The following PTPN3 variants were observed in gnomAD, a reference collection of about 807,000 sequenced individuals.
PTPN3 encodes tyrosine-protein phosphatase non-receptor type 3.
In PTPN3, 96 loss-of-function variants were observed where a neutral mutation model predicts 132.7. That is an observed-to-expected ratio of 0.72 (90% confidence interval 0.61 to 0.86). The LOEUF is 0.86. Among genes scored for constraint, PTPN3 ranks in the 40% least tolerant of loss-of-function variants. The pLI is 0.00. For missense variants in PTPN3, 1,125 were observed against 1,159.6 expected, an observed-to-expected ratio of 0.97 and a Z score of 0.43; for synonymous variants, 398 against 429.0, an observed-to-expected ratio of 0.93 and a Z score of 0.89.
chr9:109,417,896 A>G, intron 14 of PTPN3: 1 of 619,044 alleles, frequency 1.6e-6, no homozygotes. Flanking sequence ...GGTCTCAAGG[A>G]GGGGTTTCAA....
At chr9:109,497,720 T>C (rs999294929) in intron 1 of PTPN3, among the ~76,000 whole-genome samples, 1 of 152,120 alleles carries the variant, frequency 6.6e-6, no homozygotes, top group Admixed American at 6.5e-5. Context: ...CTCTGGAGTT[T>C]CGTGCCAGGC....
intron 1 of PTPN3, among the ~76,000 whole-genome samples, chr9:109,470,736 T>C (rs1846340121): frequency 6.6e-6 from 1 of 151,972 alleles, no homozygotes. Flanking sequence ...TGGGGATTTA[T>C]TTATCATTTA....
rs1564406551 is a variant in PTPN3, at chr9:109,410,231, T to C, written c.1498A>G (p.Lys500Glu). 3 of 1,613,872 alleles carry C rather than the reference T, an allele frequency of 1.9e-6. No individual in the cohort carries two copies. The highest frequency in any genetic ancestry group is 2.5e-6 in the Non-Finnish European group (3 of 1,179,812). The stretch of plus-strand genomic sequence containing the variant: ...CCCGGCTGCCTGCGCTCGCTCACCT[T>C]GTCACAGTAGTACTGGCTGGCGTCC... ...TEDASQYYCDKNDNGDSYLVL... is the reference protein window; with the variant it reads ...TEDASQYYCDENDNGDSYLVL... Residue 500 changes from lysine (K) to glutamate (E), a missense_variant and splice_region_variant, in exon 15 of 26, where the codon AAG (lysine) becomes GAG (glutamate). Physicochemically the swap from Lys to Glu is moderately conservative, Grantham distance 56 (BLOSUM62 1). Coordinates refer to ENST00000374541, the MANE Select transcript of PTPN3 (RefSeq NM_002829.4).
chr9:109,383,185 C>T (rs969711214), intron 23 of PTPN3: 55 of 596,922 alleles, frequency 9.2e-5, no homozygotes, highest in African/African-American at 6.5e-4. Context: ...GGACAGACCA[C>T]GTGCTGTTTA....
chr9:109,401,679 G>A (rs1427809326), intron 19 of PTPN3, among the ~76,000 whole-genome samples: 1 of 152,156 alleles, frequency 6.6e-6, no homozygotes, highest in Non-Finnish European at 1.5e-5. Context: ...AGTTCTCGCA[G>A]GGCTGAAGGA....
At chr9:109,500,219 C>T (rs1358266496), upstream of PTPN3, among the ~76,000 whole-genome samples, 5 of 152,250 alleles carry the variant, frequency 3.3e-5, no homozygotes, top group Non-Finnish European at 5.9e-5. Context: ...AATCAGCCGT[C>T]ATCCTCATGC....
chr9:109,408,314 T>C lies in PTPN3; in HGVS notation c.1635+7A>G. The stretch of plus-strand genomic sequence containing the variant: ...CACGAGGAATAACATGGAATGTATT[T>C]ACTTACAGGTGACTCTGGGTTTATC... On this transcript the variant is annotated splice_region_variant and intron_variant, in intron 17 of 25. Transcript: ENST00000374541. 1 of 1,552,526 alleles carries C rather than the reference T, an allele frequency of 6.4e-7. No individual in the cohort carries two copies. The highest frequency in any genetic ancestry group is 8.8e-7 in the Non-Finnish European group (1 of 1,139,884).
chr9:109,378,437 T>C lies in PTPN3; in HGVS notation c.*1119A>G, dbSNP rs538130643. On this transcript the variant is annotated 3_prime_UTR_variant, in exon 26 of 26. Coordinates refer to ENST00000374541, the MANE Select transcript of PTPN3 (RefSeq NM_002829.4). ...CTCCTTTGAAATGCAATGGAGACCA[T>C]TGTGACTGGGGGTGAATGCACACAT... 2.0e-5 allele frequency: 3 copies of C among 152,744 alleles called. No homozygotes were observed. Among genetic ancestry groups the C allele is most frequent in the South Asian group, 2.1e-4 (1 of 4,826 alleles). 9.5% of individuals were successfully genotyped at this position (152,744 alleles called of 1,614,324 possible). A position where few individuals can be genotyped will look rare whatever the true frequency, so the allele number is the denominator to read the frequency against.
At chr9:109,423,378 G>A (rs747891640) in intron 12 of PTPN3, among the ~76,000 whole-genome samples, 3 of 152,214 alleles carry the variant, frequency 2.0e-5, no homozygotes, top group Non-Finnish European at 4.4e-5. Flanking sequence ...GCTGAGGCGG[G>A]TGGATCACTT....
intron 1 of PTPN3, among the ~76,000 whole-genome samples, chr9:109,470,870 T>G (rs1846345676): frequency 6.6e-6 from 1 of 152,124 alleles, no homozygotes; most frequent in African/African-American, 2.4e-5. Context: ...ACAAGAATCA[T>G]CTGGGGACTT....
At chr9:109,385,613 C>T (rs1164786196) in intron 22 of PTPN3, among the ~76,000 whole-genome samples, 1 of 152,172 alleles carries the variant, frequency 6.6e-6, no homozygotes, top group African/African-American at 2.4e-5. Flanking sequence ...AACCCTTAGC[C>T]AGGCTGGTAA....
intron 16 of PTPN3, among the ~76,000 whole-genome samples, 192 bp downstream of exon 16, chr9:109,409,807 T>A (rs796559296): frequency 4.7e-4 from 70 of 149,830 alleles, no homozygotes; most frequent in African/African-American, 1.4e-3. Context: ...AGTGAGTTTT[T>A]AAAAAAAAAC....
chr9:109,452,800 A>C (rs1313335524), intron 5 of PTPN3, among the ~76,000 whole-genome samples: 1 of 151,928 alleles, frequency 6.6e-6, no homozygotes, highest in Non-Finnish European at 1.5e-5. Flanking sequence ...GCCTCAAGTG[A>C]CCCTCCCGCC....
intron 14 of PTPN3, among the ~76,000 whole-genome samples, chr9:109,420,163 A>C (rs960691764): frequency 6.6e-6 from 1 of 152,222 alleles, no homozygotes; most frequent in Non-Finnish European, 1.5e-5. Context: ...GACTAATTCA[A>C]GAGACTAACA....
intron 19 of PTPN3, among the ~76,000 whole-genome samples, chr9:109,394,130 G>A (rs2131651250): frequency 6.6e-6 from 1 of 152,290 alleles, no homozygotes; most frequent in South Asian, 2.1e-4. Flanking sequence ...CAGAAGGCGG[G>A]CACCTAAGTT....
chr9:109,453,043 G>C (rs73654244), intron 5 of PTPN3, among the ~76,000 whole-genome samples: 1 of 152,172 alleles, frequency 6.6e-6, no homozygotes, highest in Admixed American at 6.5e-5. Flanking sequence ...AAAACTCAGA[G>C]GACAGGGCAT....
intron 14 of PTPN3, among the ~76,000 whole-genome samples, chr9:109,418,343 T>C (rs1258131255): frequency 6.6e-6 from 1 of 152,198 alleles, no homozygotes. Flanking sequence ...CTGCATGTCA[T>C]TGGACAGAAT....
intron 7 of PTPN3, among the ~76,000 whole-genome samples, chr9:109,444,233 T>C (rs985460513): frequency 3.3e-5 from 5 of 152,204 alleles, no homozygotes; most frequent in Non-Finnish European, 5.9e-5. Context: ...CTGAGTACTA[T>C]GCTGATGAAC....
intron 2 of PTPN3, 24 bp downstream of exon 2, chr9:109,463,273 A>G: frequency 1.6e-6 from 1 of 610,524 alleles, no homozygotes; most frequent in South Asian, 4.0e-5. Flanking sequence ...CAGGAAAAGT[A>G]AAAAAAAAAA....
Sources: allele counts gnomAD v4.1 joint callset (sites outside exome capture counted in the v4.1 genomes callset), GRCh38; gene constraint gnomAD v4.1.1; transcripts MANE v1.5; gene names NCBI Gene and HGNC (gene_info 2026-07-23, HGNC 2026-07-21).